SLC18A1: variants seen among roughly 807,000 people sequenced by gnomAD.
The protein encoded by SLC18A1 is solute carrier family 18 member A1.
SLC18A1 carries 69 observed loss-of-function variants against 53.7 expected under a neutral mutation model. The ratio of observed to expected loss-of-function variants is 1.28; its 90% CI spans 1.06 to 1.57. The LOEUF is 1.57. SLC18A1 is among the 40% of genes most tolerant of loss of function. The pLI is 0.00. For missense variants in SLC18A1, 932 were observed against 668.1 expected (o/e 1.40, Z -4.35); for synonymous variants, 320 against 248.1 (o/e 1.29, Z -2.72).
intron 15 of SLC18A1, among the ~76,000 whole-genome samples, chr8:20,146,210 C>T (rs1319723562): frequency 1.3e-5 from 2 of 152,110 alleles, no homozygotes; most frequent in African/African-American, 2.4e-5. Context: ...CCACCGCGCC[C>T]GGCCAACCAC....
chr8:20,168,976 G>A (rs1390526448), intron 8 of SLC18A1, among the ~76,000 whole-genome samples: 1 of 152,150 alleles, frequency 6.6e-6, no homozygotes, highest in Non-Finnish European at 1.5e-5. Context: ...GAAATTTAAG[G>A]AGGAGTAGGA....
chr8:20,168,155 C>T (rs549696644), intron 8 of SLC18A1, among the ~76,000 whole-genome samples: 6 of 152,092 alleles, frequency 3.9e-5, no homozygotes, highest in East Asian at 3.9e-4. Context: ...TAATTAAGGA[C>T]GGGAGGCCAG....
intron 6 of SLC18A1, among the ~76,000 whole-genome samples, chr8:20,172,160 C>T (rs2072139184): frequency 6.6e-6 from 1 of 152,170 alleles, no homozygotes. Flanking sequence ...CAGATTCTAA[C>T]CCAGAAGTGA....
intron 10 of SLC18A1, among the ~76,000 whole-genome samples, chr8:20,153,874 C>T (rs937277840): frequency 1.3e-5 from 2 of 152,132 alleles, no homozygotes; most frequent in Non-Finnish European, 1.5e-5. Context: ...GGTGATATTG[C>T]TTGATATTTG....
chr8:20,182,848 A>G (rs2072464263), intron 1 of SLC18A1, among the ~76,000 whole-genome samples: 1 of 152,258 alleles, frequency 6.6e-6, no homozygotes, highest in African/African-American at 2.4e-5. Flanking sequence ...GGATAAGAAT[A>G]AAAGACAAGC....
At chr8:20,164,827 T>C in intron 10 of SLC18A1, 42 bp downstream of exon 10, 1 of 1,488,538 alleles carries the variant, frequency 6.7e-7, no homozygotes, top group Non-Finnish European at 9.2e-7. Context: ...GGCACCCACC[T>C]CCTCCTGCCA....
chr8:20,179,277 G>A lies in SLC18A1; in HGVS notation c.332C>T (p.Pro111Leu). 6.2e-7 allele frequency: 1 copy of A among 1,614,214 alleles called. No individual in the cohort carries two copies. Among genetic ancestry groups the A allele is most frequent in the East Asian group, 2.2e-5 (1 of 44,880 alleles). ...AWMNDTASTI[P>L]PPATEAISAH... ...TGAGATGGCTTCAGTGGCTGGAGGT[G>A]GGATGGTGCTGGCAGTGTCATTCAT... Residue 111 changes from proline to leucine, a missense_variant, in exon 3 of 16, where the codon CCA (proline) becomes CTA (leucine). Physicochemically the swap from Pro to Leu is moderately conservative, Grantham distance 98. Transcript: ENST00000276373.
Position 20,179,173 on chromosome 8 carries a change from T to C in SLC18A1, c.436A>G (p.Lys146Glu). The change falls in exon 3 of 16, where the codon AAG becomes GAG. Residue 146 changes from lysine (K) to glutamate (E), a missense_variant. Coordinates refer to ENST00000276373, the MANE Select transcript of SLC18A1 (RefSeq NM_003053.4). ...TTGACCAGAAGTTGCATCACAGCCT[T>C]TGAAGCAAACAGAACCCCGACCCGG... ...ITRVGVLFASKAVMQLLVNPF... is the reference protein window; with the variant it reads ...ITRVGVLFASEAVMQLLVNPF... The C allele has an allele frequency of 1.2e-6, 2 of 1,614,100 alleles. No homozygotes were observed. Among genetic ancestry groups the C allele is most frequent in the Non-Finnish European group, 1.7e-6 (2 of 1,180,004 alleles).
At chr8:20,169,360 C>T (rs979176457) in intron 8 of SLC18A1, among the ~76,000 whole-genome samples, 7 of 152,000 alleles carry the variant, frequency 4.6e-5, no homozygotes, top group Middle Eastern at 6.8e-3. Flanking sequence ...AAGACATTAT[C>T]GGAATAATTG....
At chr8:20,168,702 G>T (rs754252579) in intron 8 of SLC18A1, among the ~76,000 whole-genome samples, 1 of 152,114 alleles carries the variant, frequency 6.6e-6, no homozygotes, top group Non-Finnish European at 1.5e-5. Flanking sequence ...CTGAGTAGCT[G>T]GGATTACGGT....
chr8:20,147,355 C>G lies in SLC18A1; in HGVS notation c.1367G>C (p.Gly456Ala). 4 of 1,613,188 alleles carry G rather than the reference C, an allele frequency of 2.5e-6. No homozygotes were observed. The South Asian group carries it at 3.3e-5, about 13-fold the overall frequency. The stretch of plus-strand genomic sequence containing the variant: ...AGTGATGACCATGAGCCAGGGAAAA[C>G]CGATGGCCTTTACAATGGCACCACC... ...STGGAIVKAI[G>A]FPWLMVITGV... The change falls in exon 15 of 16, where the codon GGT (glycine) becomes GCT (alanine). Residue 456 changes from glycine (G) to alanine (A), a missense_variant. Gly to Ala is a moderately conservative substitution (Grantham distance 60). Coordinates refer to ENST00000276373, the MANE Select transcript of SLC18A1 (RefSeq NM_003053.4).
chr8:20,160,259 A>G (rs2071790335), intron 10 of SLC18A1, among the ~76,000 whole-genome samples: 1 of 148,178 alleles, frequency 6.7e-6, no homozygotes, highest in South Asian at 2.2e-4. Flanking sequence ...TTTATCTAGT[A>G]TGTGGAAGTA....
At position 20,179,390 on chromosome 8, in the gene SLC18A1, G is replaced by A. The variant is rs772520790; in HGVS notation, c.219C>T (p.Leu73=). The A allele has an allele frequency of 6.4e-5, 104 of 1,613,932 alleles. No individual in the cohort carries two copies. The highest frequency in any genetic ancestry group is 8.1e-5 in the Non-Finnish European group (95 of 1,180,002). The stretch of plus-strand genomic sequence containing the variant: ...AGATGGTGGAAAAGGCAGGAGAGGC[G>A]AGGGCATGTGGGGAACTTCCGGCAT... ...LGHAGSSPHA[L]ASPAFSTIFS... is the part of the protein sequence containing the mutation. The change falls in exon 3 of 16, where the codon CTC becomes CTT. Residue 73 remains leucine, a synonymous_variant. Coordinates refer to ENST00000276373, the MANE Select transcript of SLC18A1 (RefSeq NM_003053.4).
At chr8:20,177,262 T>C (rs2072275238) in intron 4 of SLC18A1, among the ~76,000 whole-genome samples, 1 of 152,230 alleles carries the variant, frequency 6.6e-6, no homozygotes, top group Non-Finnish European at 1.5e-5. Context: ...TCTTGCAGTT[T>C]GCAGCCTTCC....
intron 8 of SLC18A1, among the ~76,000 whole-genome samples, chr8:20,166,330 TAC>T (rs200804981): frequency 0.1 from 7,708 of 77,342 alleles, 645 homozygotes; most frequent in East Asian, 0.21. Flanking sequence ...TATATATATA[TAC>T]ACCACCAGGT....
intron 4 of SLC18A1, chr8:20,175,290 T>C (rs1563767032): frequency 6.6e-6 from 1 of 152,222 alleles, no homozygotes; most frequent in African/African-American, 2.4e-5. Context: ...ACACACGCTT[T>C]ATGAACAATT....
At chr8:20,153,589 A>G (rs753034284) in intron 10 of SLC18A1, among the ~76,000 whole-genome samples, 1 of 151,998 alleles carries the variant, frequency 6.6e-6, no homozygotes, top group Non-Finnish European at 1.5e-5. Context: ...GAGGCAGGAG[A>G]ATGGCATGAA....
intron 6 of SLC18A1, among the ~76,000 whole-genome samples, chr8:20,171,926 G>T (rs2072131636): frequency 6.6e-6 from 1 of 152,198 alleles, no homozygotes; most frequent in African/African-American, 2.4e-5. Context: ...TGTAGTTGGA[G>T]AAGAAAAAGA....
intron 10 of SLC18A1, among the ~76,000 whole-genome samples, chr8:20,154,266 A>G (rs978837037): frequency 9.2e-5 from 14 of 152,214 alleles, no homozygotes; most frequent in African/African-American, 2.9e-4. Context: ...GGAAAGGATC[A>G]TTGCAAAAGA....
Sources: allele counts gnomAD v4.1 joint callset (sites outside exome capture counted in the v4.1 genomes callset), GRCh38; gene constraint gnomAD v4.1.1; transcripts MANE v1.5; gene names NCBI Gene and HGNC (gene_info 2026-07-23, HGNC 2026-07-21).